Variants in CHRNA4 observed in about 807,000 individuals in gnomAD.
CHRNA4 encodes the protein neuronal acetylcholine receptor subunit alpha-4.
CHRNA4 carries 28 observed loss-of-function variants against 48.9 expected under a neutral mutation model. That is an observed-to-expected ratio of 0.57 (90% CI 0.42 to 0.79). The LOEUF (loss-of-function observed/expected upper bound fraction) is 0.79. CHRNA4 is among the 30% of genes least tolerant of loss of function. The pLI is 0.00. For synonymous variants in CHRNA4, 425 were observed against 402.3 expected (o/e 1.06, Z -0.68); for missense variants, 859 against 898.4 (o/e 0.96, Z 0.56).
At chr20:63,349,609 C>T (rs755842980) in intron 5 of CHRNA4, 44 bp downstream of exon 5, 30 of 1,609,992 alleles carry the variant, frequency 1.9e-5, no homozygotes, top group Non-Finnish European at 2.2e-5. Context: ...CCGCCGGTTC[C>T]GTCTGGGTCA....
intron 2 of CHRNA4, 135 bp from the exon 3 acceptor site, chr20:63,356,550 G>T (rs2068721963): frequency 8.7e-6 from 8 of 923,094 alleles, no homozygotes; most frequent in Non-Finnish European, 1.4e-5. Context: ...TGTGGAGGGG[G>T]TGAGTGCCCC....
chr20:63,352,911 T>A (rs1369998554), intron 4 of CHRNA4, among the ~76,000 whole-genome samples: 1 of 135,044 alleles, frequency 7.4e-6, no homozygotes, highest in African/African-American at 2.7e-5. Context: ...CCAGCCGCCC[T>A]CTGGGGAGCC....
intron 4 of CHRNA4, among the ~76,000 whole-genome samples, chr20:63,351,517 T>A (rs1402802752): frequency 6.6e-6 from 1 of 152,144 alleles, no homozygotes; most frequent in Non-Finnish European, 1.5e-5. Context: ...ACACACGGCA[T>A]CCCTATGTCC....
In CHRNA4 at chr20:63,351,002, G is replaced by A. The variant is rs1326365559; in HGVS notation, c.409C>T (p.His137Tyr). 2.5e-6 allele frequency: 4 copies of A among 1,613,050 alleles called. No homozygotes were observed. In the Admixed American group the frequency reaches 6.7e-5, roughly 27 times the overall value. ...NNADGDFAVT[H>Y]LTKAHLFHDG... is the part of the protein sequence containing the mutation. The stretch of plus-strand genomic sequence containing the variant: ...TGGAACAGGTGGGCCTTGGTCAGGT[G>A]GGTGACCGCGAAGTCCCCGTCAGCA... Residue 137 changes from histidine (H) to tyrosine (Y), a missense_variant, in exon 5 of 6, where the codon CAC (histidine) becomes TAC (tyrosine). His to Tyr is a moderately conservative substitution (Grantham distance 83). Transcript: ENST00000370263.
intron 5 of CHRNA4, 124 bp from the exon 6 acceptor site, chr20:63,346,987 G>T: frequency 7.0e-7 from 1 of 1,432,488 alleles, no homozygotes; most frequent in Non-Finnish European, 9.7e-7. Context: ...GGCAGCCATT[G>T]CTGCTGGTGC....
Position 63,343,630 on chromosome 20 carries a change from C to G in CHRNA4, c.*3108G>C. 1 of 452,270 alleles carries G rather than the reference C, an allele frequency of 2.2e-6. No individual in the cohort carries two copies. Among genetic ancestry groups the G allele is most frequent in the Non-Finnish European group, 4.4e-6 (1 of 225,448 alleles). The allele number at this position is 452,270 out of a possible 1,614,324, so 28.0% of individuals were successfully genotyped here. On this transcript the variant is annotated 3_prime_UTR_variant, in exon 6 of 6. Transcript: ENST00000370263. ...AGAGGAGGGCCACGTCGCCCCAGGC[C>G]GGGCCACACGGGAAGCACCCAGGCC...
Position 63,351,238 on chromosome 20 carries a change from A to C in CHRNA4, c.384-211T>G, listed in dbSNP as rs866354873. The C allele has an allele frequency of 0.083, 30,987 of 373,844 alleles. 1,632 individuals are homozygous for C. Among genetic ancestry groups the C allele is most frequent in the South Asian group, 0.11 (4,839 of 44,162 alleles). The allele number at this position is 373,844 out of a possible 1,614,324, so 23.2% of individuals were successfully genotyped here. On this transcript the variant is annotated intron_variant, in intron 4 of 5. Transcript: ENST00000370263. ...CACGTCCACGCCCACATCCACACCC[A>C]CGTCCACGTCCACGTCCACGTCCAC...
In CHRNA4 at chr20:63,350,373, C is replaced by T. The variant is rs1412428162; in HGVS notation, c.1038G>A (p.Arg346=). The T allele has an allele frequency of 6.2e-7, 1 of 1,613,752 alleles. No homozygotes were observed. Among genetic ancestry groups the T allele is most frequent in the Middle Eastern group, 1.6e-4 (1 of 6,062 alleles). Residue 346 remains arginine, a synonymous_variant, in exon 5 of 6, where the codon AGG becomes AGA. Transcript: ENST00000370263. ...GGCGTGGCACGATGTCCAGGAAGAC[C>T]CTGCGTACCCAGGTGGGCATGGTGT... ...RTHTMPTWVR[R]VFLDIVPRLL... is the part of the protein sequence containing the mutation.
intron 4 of CHRNA4, among the ~76,000 whole-genome samples, chr20:63,353,378 G>A (rs1478126950): frequency 6.6e-6 from 1 of 151,292 alleles, no homozygotes; most frequent in African/African-American, 2.4e-5. Context: ...ACATCCCACA[G>A]GCCATGGTGA....
chr20:63,359,896 GC>G (rs1568820060), intron 1 of CHRNA4, 197 bp from the exon 2 acceptor site: 28 of 500,582 alleles, frequency 5.6e-5, no homozygotes, highest in Admixed American at 1.4e-4. Context: ...CCGGGCGTGT[GC>G]TGTGTGTGTG....
chr20:63,347,192 C>T (rs2123464458), intron 5 of CHRNA4, among the ~76,000 whole-genome samples: 1 of 152,346 alleles, frequency 6.6e-6, no homozygotes, highest in Non-Finnish European at 1.5e-5. Flanking sequence ...GCGGCCTGTG[C>T]TCCGGGAAGG....
rs556110191 is a variant in CHRNA4, at chr20:63,354,720, T to C, written c.383+1255A>G. Reference sequence around the variant, plus strand: ...GTGCACAGGCACCCAGAGCGGCTTCTCTGCCCGGCCCATCCTGGGCGTTTC... The same window carrying C: ...GTGCACAGGCACCCAGAGCGGCTTCCCTGCCCGGCCCATCCTGGGCGTTTC... On this transcript the variant is annotated intron_variant, in intron 4 of 5. Coordinates refer to ENST00000370263, the MANE Select transcript of CHRNA4 (RefSeq NM_000744.7). 1.0e-3 allele frequency: 979 copies of C among 940,556 alleles called. 1 individual carries two copies. The highest frequency in any genetic ancestry group is 4.9e-3 in the Admixed American group (80 of 16,258). The allele number at this position is 940,556 out of a possible 1,614,324, so 58.3% of individuals were successfully genotyped here. A position where few individuals can be genotyped will look rare whatever the true frequency, so the allele number is the denominator to read the frequency against.
intron 5 of CHRNA4, among the ~76,000 whole-genome samples, chr20:63,348,924 G>A (rs2068538227): frequency 6.6e-6 from 1 of 152,238 alleles, no homozygotes; most frequent in Non-Finnish European, 1.5e-5. Context: ...CACAGCCACG[G>A]GTAACACGGA....
rs772944053 is a variant in CHRNA4 at position 63,346,049 on chromosome 20, G to A, written c.*689C>T. The A allele has an allele frequency of 2.6e-5, 12 of 454,008 alleles. No individual in the cohort carries two copies. The highest frequency in any genetic ancestry group is 7.8e-5 in the South Asian group (5 of 64,470). 28.1% of individuals were successfully genotyped at this position (454,008 alleles called of 1,614,324 possible). On this transcript the variant is annotated 3_prime_UTR_variant, in exon 6 of 6. Coordinates refer to ENST00000370263, the MANE Select transcript of CHRNA4 (RefSeq NM_000744.7). ...CTGCGCAGGGGAGAGCTGGTCCCGC[G>A]TGGGCCTCCCGATTCTCCCCACGCG...
intron 4 of CHRNA4, chr20:63,351,256 A>G (rs1404675666): frequency 2.6e-6 from 1 of 378,188 alleles, no homozygotes; most frequent in South Asian, 2.2e-5. Flanking sequence ...GTCCACGTCC[A>G]CGTCCACACA....
In CHRNA4 at chr20:63,351,216, G is replaced by A. The variant is rs78581196; in HGVS notation, c.384-189C>T. On this transcript the variant is annotated intron_variant, in intron 4 of 5. Coordinates refer to ENST00000370263, the MANE Select transcript of CHRNA4 (RefSeq NM_000744.7). ...CGCCCACATCCACACCCACGTCCAC[G>A]TCCACGCCCACATCCACACCCACGT... 65,109 of 424,902 alleles carry A rather than the reference G, an allele frequency of 0.15. 6,380 individuals carry two copies. Among genetic ancestry groups the A allele is most frequent in the South Asian group, 0.18 (8,350 of 46,082 alleles). The allele number at this position is 424,902 out of a possible 1,614,324, so 26.3% of individuals were successfully genotyped here. A position where few individuals can be genotyped will look rare whatever the true frequency, so the allele number is the denominator to read the frequency against.
Position 63,349,674 on chromosome 20 carries a change from C to T in CHRNA4, c.1737G>A (p.Lys579=), listed in dbSNP as rs757194801. Residue 579 remains lysine, a synonymous_variant, in exon 5 of 6, where the codon AAG becomes AAA. Coordinates refer to ENST00000370263, the MANE Select transcript of CHRNA4 (RefSeq NM_000744.7). ...EGVQYIADHL[K]AEDTDFSVKE... is the part of the protein sequence containing the mutation. ...TTACCGAGAAGTCTGTGTCTTCGGC[C>T]TTCAGGTGGTCTGCAATGTACTGGA... is the stretch of plus-strand genomic sequence containing the variant. 6.2e-7 allele frequency: 1 copy of T among 1,612,864 alleles called. No individual in the cohort carries two copies. The highest frequency in any genetic ancestry group is 1.1e-5 in the South Asian group (1 of 91,082).
intron 1 of CHRNA4, 156 bp downstream of exon 1, chr20:63,360,934 G>C: frequency 1.7e-6 from 1 of 580,080 alleles, no homozygotes. Context: ...TGCGAGCGCA[G>C]CCTGTGCGGC....
At chr20:63,356,323 G>T in intron 3 of CHRNA4, 48 bp downstream of exon 3, 1 of 1,509,784 alleles carries the variant, frequency 6.6e-7, no homozygotes. Flanking sequence ...CAGGGTGAGG[G>T]GTGTGGGGGA....
Sources: allele counts gnomAD v4.1 joint callset (sites outside exome capture counted in the v4.1 genomes callset), GRCh38; gene constraint gnomAD v4.1.1; transcripts MANE v1.5; gene names NCBI Gene and HGNC (gene_info 2026-07-23, HGNC 2026-07-21).